FOCAD: variants seen among roughly 807,000 people sequenced by gnomAD.
FOCAD encodes the protein focadhesin, also known as KIAA1797.
A neutral mutation model predicts 225.6 loss-of-function variants in FOCAD; 198 were observed. The ratio of observed to expected loss-of-function variants is 0.88; its 90% CI spans 0.78 to 0.99. FOCAD has a LOEUF of 0.99. Ranked by LOEUF, FOCAD falls within the 50% of genes least tolerant of loss-of-function variation. The pLI, the probability that FOCAD is intolerant of heterozygous loss-of-function variation, is 0.00. For missense variants in FOCAD, 2,713 were observed against 2,123.6 expected (o/e 1.28, Z -5.46); for synonymous variants, 897 against 755.0 (o/e 1.19, Z -3.08).
chr9:20,894,554 G>C (rs546842795), intron 21 of FOCAD, among the ~76,000 whole-genome samples: 111 of 152,126 alleles, frequency 7.3e-4, no homozygotes, highest in Non-Finnish European at 1.2e-3. Flanking sequence ...CATTCTCATT[G>C]GTGTGTAGAA....
chr9:20,718,590 C>T (rs1016523493), intron 3 of FOCAD, among the ~76,000 whole-genome samples: 1 of 152,142 alleles, frequency 6.6e-6, no homozygotes, highest in Non-Finnish European at 1.5e-5. Flanking sequence ...TTCTTTATTG[C>T]TTCTGCAGAC....
intron 5 of FOCAD, among the ~76,000 whole-genome samples, chr9:20,756,837 T>A (rs915344376): frequency 6.6e-6 from 1 of 152,238 alleles, no homozygotes; most frequent in African/African-American, 2.4e-5. Context: ...GCTGGAGATA[T>A]ATTAAAATTA....
rs758606639 is a variant in FOCAD, at chr9:20,770,219, G to A, written c.887G>A (p.Ser296Asn). Residue 296 changes from serine (S) to asparagine (N), a missense_variant, in exon 8 of 44, where the codon AGT (serine) becomes AAT (asparagine). Ser to Asn is a conservative substitution (Grantham distance 46, BLOSUM62 1). Transcript: ENST00000338382. ...TCTTCAATTCACCTTTTAGAGCACA[G>A]TGTTGAACTTCTGAAGGAGGTAAGG... ...CSSSIHLLEH[S>N]VELLKEDFPV... The A allele has an allele frequency of 6.2e-7, 1 of 1,613,938 alleles. No individual in the cohort carries two copies. Among genetic ancestry groups the A allele is most frequent in the East Asian group, 2.2e-5 (1 of 44,864 alleles).
intron 16 of FOCAD, 98 bp from the exon 17 acceptor site, chr9:20,865,827 TA>T (rs1309410529): frequency 3.9e-6 from 3 of 778,234 alleles, no homozygotes; most frequent in Non-Finnish European, 6.2e-6. Flanking sequence ...GGTGTTACTT[TA>T]AAAGTGACTT....
chr9:20,663,656 A>G (rs1271350739), intron 2 of FOCAD, among the ~76,000 whole-genome samples: 3 of 152,200 alleles, frequency 2.0e-5, no homozygotes, highest in Non-Finnish European at 2.9e-5. Context: ...TGCCACTTCA[A>G]TAATGGTACC....
intron 22 of FOCAD, among the ~76,000 whole-genome samples, chr9:20,911,288 G>A (rs1320690733): frequency 1.3e-5 from 2 of 152,210 alleles, no homozygotes; most frequent in East Asian, 3.9e-4. Context: ...TGAATACAGT[G>A]TCCGTTACAT....
At chr9:20,861,621 ATATAT>A (rs1459388880) in intron 15 of FOCAD, among the ~76,000 whole-genome samples, 1 of 152,172 alleles carries the variant, frequency 6.6e-6, no homozygotes, top group Non-Finnish European at 1.5e-5. Flanking sequence ...CTCCTTAAGT[ATATAT>A]TACTCATTTA....
chr9:20,804,711 T>C (rs1200051059), intron 11 of FOCAD, among the ~76,000 whole-genome samples: 2 of 152,168 alleles, frequency 1.3e-5, no homozygotes, highest in Non-Finnish European at 2.9e-5. Flanking sequence ...CAAGATCTAT[T>C]ACCGTTATTA....
chr9:20,780,915 G>A (rs887821892), intron 9 of FOCAD, among the ~76,000 whole-genome samples: 1 of 152,206 alleles, frequency 6.6e-6, no homozygotes, highest in Non-Finnish European at 1.5e-5. Context: ...ACCTCCAGAT[G>A]ATGTAAAATA....
chr9:20,665,471 C>T (rs1821873237), intron 2 of FOCAD, among the ~76,000 whole-genome samples: 1 of 152,136 alleles, frequency 6.6e-6, no homozygotes, highest in African/African-American at 2.4e-5. Context: ...GATTTCAGTT[C>T]AGTCACTTCC....
intron 1 of FOCAD, among the ~76,000 whole-genome samples, chr9:20,693,132 C>T (rs1424830472): frequency 4.6e-5 from 7 of 152,176 alleles, no homozygotes; most frequent in Admixed American, 3.3e-4. Flanking sequence ...CATGATCTGA[C>T]CCATTTGTTG....
chr9:20,919,834 T>C (rs201966995), intron 24 of FOCAD, among the ~76,000 whole-genome samples: 4 of 152,190 alleles, frequency 2.6e-5, no homozygotes, highest in East Asian at 3.9e-4. Flanking sequence ...AAGACTTACA[T>C]GTTAGACCTA....
At chr9:20,656,873 T>G (rs376970063), upstream of FOCAD, among the ~76,000 whole-genome samples, 1 of 151,988 alleles carries the variant, frequency 6.6e-6, no homozygotes, top group Non-Finnish European at 1.5e-5. Context: ...TTCCTAGTCT[T>G]GATGGTCTTT....
intron 6 of FOCAD, among the ~76,000 whole-genome samples, chr9:20,762,456 CTTGTT>C (rs1829685771): frequency 1.3e-5 from 2 of 152,084 alleles, no homozygotes; most frequent in African/African-American, 4.8e-5. Context: ...ATTTTTATTT[CTTGTT>C]TTGTTTCCAT....
At chr9:20,856,471 T>A (rs1440789019) in intron 15 of FOCAD, among the ~76,000 whole-genome samples, 1 of 152,024 alleles carries the variant, frequency 6.6e-6, no homozygotes, top group Non-Finnish European at 1.5e-5. Flanking sequence ...TTGAGCTCCA[T>A]TTTTATTCTA....
intron 26 of FOCAD, among the ~76,000 whole-genome samples, chr9:20,927,087 A>G (rs1835027052): frequency 6.6e-6 from 1 of 151,958 alleles, no homozygotes; most frequent in Admixed American, 6.6e-5. Flanking sequence ...TTGCTCATGG[A>G]TAAACTCCGG....
intron 1 of FOCAD, among the ~76,000 whole-genome samples, chr9:20,713,152 TGCAGTA>T (rs1318294472): frequency 6.6e-6 from 1 of 152,218 alleles, no homozygotes; most frequent in Non-Finnish European, 1.5e-5. Flanking sequence ...TGCCTCTTTG[TGCAGTA>T]GCTTTCCATT....
Position 20,700,235 on chromosome 9 carries a change from G to C in FOCAD, c.-32-15087G>C, listed in dbSNP as rs183989893. On this transcript the variant is annotated intron_variant, in intron 1 of 43. Coordinates refer to ENST00000338382, the MANE Select transcript of FOCAD (RefSeq NM_001375567.1). ...GGTTTTTAAAGGATTGTAATAAATA[G>C]CAGATTAAGCACATAGCTATGATAA... Among the ~76,000 whole-genome samples the C allele has an allele frequency of 2.2e-3, 332 of 152,086 alleles. 2 individuals are homozygous for C. Among genetic ancestry groups the C allele is most frequent in the Non-Finnish European group, 2.4e-3 (160 of 67,990 alleles).
intron 18 of FOCAD, chr9:20,874,263 G>C (rs1019242901): frequency 1.9e-5 from 3 of 161,902 alleles, no homozygotes; most frequent in African/African-American, 4.8e-5. Context: ...ATGGACATAT[G>C]ACTAGAATCA....
Sources: allele counts gnomAD v4.1 joint callset (sites outside exome capture counted in the v4.1 genomes callset), GRCh38; gene constraint gnomAD v4.1.1; transcripts MANE v1.5; gene names NCBI Gene and HGNC (gene_info 2026-07-23, HGNC 2026-07-21).